The following CDH10 variants were observed in gnomAD, a reference collection of about 807,000 sequenced individuals.
CDH10 encodes cadherin 10.
CDH10 carries 30 observed loss-of-function variants against 73.1 expected under a neutral mutation model. The ratio of observed to expected loss-of-function variants is 0.41; its 90% CI spans 0.31 to 0.56. CDH10 has a LOEUF of 0.56. CDH10 is among the 20% of genes least tolerant of loss of function. The probability of loss-of-function intolerance (pLI) is 0.27; values close to 1 mark genes in which losing one functional copy is unlikely to be tolerated. For synonymous variants in CDH10, 345 were observed against 348.2 expected, an observed-to-expected ratio of 0.99 and a Z score of 0.10; for missense variants, 815 against 973.7, an observed-to-expected ratio of 0.84 and a Z score of 2.17.
chr5:24,498,038 C>G (rs982400077), intron 9 of CDH10, among the ~76,000 whole-genome samples: 1 of 151,216 alleles, frequency 6.6e-6, no homozygotes, highest in African/African-American at 2.4e-5. Flanking sequence ...CAGCATTCGT[C>G]TCTCATCTCT....
chr5:24,619,226 C>T lies in CDH10; in HGVS notation c.-124+25368G>A, dbSNP rs554941727. On this transcript the variant is annotated intron_variant, in intron 1 of 11. Coordinates refer to ENST00000264463, the MANE Select transcript of CDH10 (RefSeq NM_006727.5). ...TTTTTTCTTTTGAGACGTAGTCTCACTCTGCCACCCAGGCTGGAGTGCAGT... is the reference window on the plus strand; with the variant it reads ...TTTTTTCTTTTGAGACGTAGTCTCATTCTGCCACCCAGGCTGGAGTGCAGT... Among the ~76,000 whole-genome samples the T allele has an allele frequency of 4.6e-5, 7 of 152,068 alleles. No individual in the cohort carries two copies. In the East Asian group the frequency reaches 1.2e-3, roughly 25 times the overall value.
intron 5 of CDH10, among the ~76,000 whole-genome samples, chr5:24,520,202 GA>G (rs1390208672): frequency 6.6e-6 from 1 of 151,676 alleles, no homozygotes; most frequent in African/African-American, 2.4e-5. Context: ...TTTGTAAAAT[GA>G]AAAAAAGGAA....
intron 1 of CDH10, among the ~76,000 whole-genome samples, chr5:24,620,690 T>A (rs1198150250): frequency 6.6e-6 from 1 of 152,230 alleles, no homozygotes; most frequent in Non-Finnish European, 1.5e-5. Flanking sequence ...ACTTTGAATA[T>A]GCCAGTTGTA....
chr5:24,587,212 T>C (rs1295084854), intron 2 of CDH10, among the ~76,000 whole-genome samples: 1 of 152,164 alleles, frequency 6.6e-6, no homozygotes, highest in Admixed American at 6.5e-5. Context: ...GAATTTACTT[T>C]AAGAAATTTA....
At chr5:24,535,672 A>G in intron 4 of CDH10, 31 bp downstream of exon 4, 1 of 1,591,046 alleles carries the variant, frequency 6.3e-7, no homozygotes, top group Non-Finnish European at 8.6e-7. Flanking sequence ...AAGATGATCA[A>G]ATGAACAAAC....
At chr5:24,522,488 TAAATAAAATA>T (rs149729376) in intron 5 of CDH10, among the ~76,000 whole-genome samples, 28 of 149,968 alleles carry the variant, frequency 1.9e-4, no homozygotes, top group Admixed American at 6.0e-4. Flanking sequence ...AGCAAGAAAG[TAAATAAAATA>T]AAATAAAATA....
chr5:24,562,589 T>C lies in CDH10; in HGVS notation c.232-24915A>G, dbSNP rs149255771. Among the ~76,000 whole-genome samples the C allele has an allele frequency of 1.6e-4, 25 of 152,286 alleles. No individual in the cohort carries two copies. The East Asian group carries it at 4.4e-3, about 27-fold the overall frequency. ...ACTGTATTTTATCTTATTATTTCAC[T>C]ATAAGCCACTGTAAAACTTGATTGT... On this transcript the variant is annotated intron_variant, in intron 2 of 11. Transcript: ENST00000264463.
At position 24,509,825 on chromosome 5, in the gene CDH10, T is replaced by TA; in HGVS notation, c.1003-7dup. ...CGGCTCTCATAGTCGAGTGGCTGTATAAAAAAATAAATCATCAAATTAGAG... is the reference window on the plus strand; with the variant it reads ...CGGCTCTCATAGTCGAGTGGCTGTATAAAAAAAATAAATCATCAAATTAGAG... On this transcript the variant is annotated splice_region_variant and splice_polypyrimidine_tract_variant and intron_variant, in intron 6 of 11. Transcript: ENST00000264463. The TA allele has an allele frequency of 6.3e-7, 1 of 1,593,424 alleles. No individual in the cohort carries two copies. The highest frequency in any genetic ancestry group is 8.5e-7 in the Non-Finnish European group (1 of 1,170,534).
At chr5:24,643,978 TTC>T (rs1351668413) in intron 1 of CDH10, among the ~76,000 whole-genome samples, 2 of 152,148 alleles carry the variant, frequency 1.3e-5, no homozygotes, top group Non-Finnish European at 2.9e-5. Context: ...CCCCCAATAC[TTC>T]TGACTCAGAT....
At chr5:24,577,087 AAC>A (rs150477468) in intron 2 of CDH10, among the ~76,000 whole-genome samples, 55,113 of 150,142 alleles carry the variant, frequency 0.37, 12,328 homozygotes, top group Non-Finnish European at 0.5. Flanking sequence ...AAAAAAAAAA[AAC>A]CAAAAACTGT....
intron 11 of CDH10, among the ~76,000 whole-genome samples, chr5:24,488,791 A>ACC (rs57502555): frequency 0.01 from 1,365 of 131,508 alleles, 11 homozygotes; most frequent in South Asian, 0.023. Context: ...CTTGCATGAG[A>ACC]CCCCCCCCCC....
intron 1 of CDH10, among the ~76,000 whole-genome samples, chr5:24,611,531 T>C (rs1002208700): frequency 5.3e-5 from 8 of 152,186 alleles, no homozygotes; most frequent in African/African-American, 9.7e-5. Context: ...AATATAGTTA[T>C]AGTGAGAGAA....
chr5:24,505,298 G>T (rs202215608), intron 7 of CDH10, 50 bp from the exon 8 acceptor site: 3 of 1,540,510 alleles, frequency 1.9e-6, no homozygotes, highest in Non-Finnish European at 2.7e-6. Flanking sequence ...TTAATAGTTT[G>T]CAGGAAAAAA....
intron 1 of CDH10, among the ~76,000 whole-genome samples, chr5:24,594,154 T>C (rs1286159330): frequency 3.3e-5 from 5 of 151,902 alleles, no homozygotes; most frequent in Non-Finnish European, 5.9e-5. Flanking sequence ...ATGCCTTCCT[T>C]TGAAGTGCTC....
At chr5:24,499,730 T>TA (rs34685617) in intron 8 of CDH10, among the ~76,000 whole-genome samples, 105,246 of 151,324 alleles carry the variant, frequency 0.7, 38,033 homozygotes, top group Non-Finnish European at 0.79. Flanking sequence ...TTTTGATATG[T>TA]AAATTAATAA....
At chr5:24,573,300 T>C (rs980924850) in intron 2 of CDH10, among the ~76,000 whole-genome samples, 1 of 151,596 alleles carries the variant, frequency 6.6e-6, no homozygotes, top group African/African-American at 2.4e-5. Context: ...GACGAAGAAA[T>C]CAAGCAAAGG....
intron 1 of CDH10, among the ~76,000 whole-genome samples, chr5:24,637,266 C>T (rs942355017): frequency 1.3e-5 from 2 of 151,826 alleles, no homozygotes; most frequent in African/African-American, 4.8e-5. Context: ...TTAAATAATA[C>T]TTGGCAAATG....
At chr5:24,535,941 T>C in intron 3 of CDH10, 119 bp from the exon 4 acceptor site, 1 of 582,676 alleles carries the variant, frequency 1.7e-6, no homozygotes, top group Non-Finnish European at 2.8e-6. Context: ...AAAGAAACTT[T>C]CATATATAAT....
intron 1 of CDH10, among the ~76,000 whole-genome samples, chr5:24,636,074 G>A (rs775994966): frequency 2.2e-4 from 34 of 151,816 alleles, no homozygotes; most frequent in Non-Finnish European, 7.4e-5. Flanking sequence ...TTAAGCATAG[G>A]TCACATGAAT....
Sources: allele counts gnomAD v4.1 joint callset (sites outside exome capture counted in the v4.1 genomes callset), GRCh38; gene constraint gnomAD v4.1.1; transcripts MANE v1.5; gene names NCBI Gene and HGNC (gene_info 2026-07-23, HGNC 2026-07-21).